The following ARHGAP15 variants were observed in gnomAD, a reference collection of about 807,000 sequenced individuals.
The protein encoded by ARHGAP15 is Rho GTPase activating protein 15.
A neutral mutation model predicts 63.7 loss-of-function variants in ARHGAP15; 51 were observed. The observed-to-expected ratio is 0.80, with a 90% confidence interval of 0.64 to 1.01. The LOEUF (loss-of-function observed/expected upper bound fraction) is 1.01, where lower values mean the gene tolerates loss of function less well. Ranked by LOEUF, ARHGAP15 falls within the 50% of genes least tolerant of loss-of-function variation. The pLI is 0.00. For synonymous variants in ARHGAP15, 191 were observed against 193.8 expected, an observed-to-expected ratio of 0.99 and a Z score of 0.12; for missense variants, 560 against 564.6, an observed-to-expected ratio of 0.99 and a Z score of 0.08.
At position 143,242,497 on chromosome 2, in the gene ARHGAP15, AAATAC is replaced by A. The variant is rs1693902697; in HGVS notation, c.385-8009_385-8005del. On this transcript the variant is annotated intron_variant, in intron 5 of 13. Coordinates refer to ENST00000295095, the MANE Select transcript of ARHGAP15 (RefSeq NM_018460.4). ...TCCAGCAAGATTTTGATTCAGAAAC[AAATAC>A]AATAGGTGCTCATTTCTTGAAAAGT... Among the ~76,000 whole-genome samples, 3 of 152,240 alleles carry A rather than the reference AAATAC, an allele frequency of 2.0e-5. No homozygotes were observed. The South Asian group carries it at 6.2e-4, about 32-fold the overall frequency.
rs142007178 is a variant in ARHGAP15 at position 143,461,093 on chromosome 2, C to A, written c.703+24051C>A. ...TCGCCTCGGGTCAGGAGTTTGAGAC[C>A]AGCCTGGCCAACATGGTGAAACCCT... is the stretch of plus-strand genomic sequence containing the variant. On this transcript the variant is annotated intron_variant, in intron 8 of 13. Coordinates refer to ENST00000295095, the MANE Select transcript of ARHGAP15 (RefSeq NM_018460.4). Among the ~76,000 whole-genome samples the A allele has an allele frequency of 6.8e-4, 104 of 151,834 alleles. 1 individual carries two copies. The East Asian group carries it at 0.016, about 23-fold the overall frequency.
At chr2:143,554,363 A>T (rs145472935) in intron 10 of ARHGAP15, among the ~76,000 whole-genome samples, 2 of 152,260 alleles carry the variant, frequency 1.3e-5, no homozygotes, top group South Asian at 4.1e-4. Context: ...TTCTGATGCC[A>T]TTTGTCTGCT....
chr2:143,567,517 C>T (rs543588243), intron 11 of ARHGAP15, among the ~76,000 whole-genome samples: 4 of 152,264 alleles, frequency 2.6e-5, no homozygotes, highest in Admixed American at 1.3e-4. Context: ...CTTCCACCTC[C>T]ACCTGAAGTA....
intron 10 of ARHGAP15, among the ~76,000 whole-genome samples, chr2:143,532,263 T>A (rs1694552998): frequency 6.6e-6 from 1 of 152,222 alleles, no homozygotes; most frequent in African/African-American, 2.4e-5. Flanking sequence ...AATGGGAATT[T>A]CCTGCCAGCA....
chr2:143,497,656 T>C (rs1485410105), intron 9 of ARHGAP15, among the ~76,000 whole-genome samples: 1 of 152,132 alleles, frequency 6.6e-6, no homozygotes. Flanking sequence ...GCCTCTGTCG[T>C]TGGTATAATT....
chr2:143,661,809 G>A (rs184641655), intron 12 of ARHGAP15, among the ~76,000 whole-genome samples: 12 of 152,280 alleles, frequency 7.9e-5, no homozygotes, highest in Admixed American at 3.9e-4. Flanking sequence ...AAGGGGTGAC[G>A]GACGCACCTG....
chr2:143,403,172 AT>A (rs1688060421), intron 6 of ARHGAP15, among the ~76,000 whole-genome samples: 1 of 151,834 alleles, frequency 6.6e-6, no homozygotes, highest in South Asian at 2.1e-4. Flanking sequence ...TTCAAACCAT[AT>A]TTTTCCACCA....
At chr2:143,701,306 C>T (rs1684079649) in intron 12 of ARHGAP15, among the ~76,000 whole-genome samples, 1 of 152,168 alleles carries the variant, frequency 6.6e-6, no homozygotes, top group Non-Finnish European at 1.5e-5. Context: ...TCTTATCCTA[C>T]TGTCATAAAG....
chr2:143,459,640 A>AT (rs1204979516), intron 8 of ARHGAP15, among the ~76,000 whole-genome samples: 4 of 152,218 alleles, frequency 2.6e-5, no homozygotes, highest in Non-Finnish European at 5.9e-5. Context: ...TGTACTCTTA[A>AT]TTTTTTAAAA....
intron 6 of ARHGAP15, among the ~76,000 whole-genome samples, chr2:143,352,055 TA>T (rs1685596964): frequency 6.6e-6 from 1 of 152,336 alleles, no homozygotes; most frequent in African/African-American, 2.4e-5. Flanking sequence ...TCACCCTGAA[TA>T]ACCTTTATTG....
Position 143,729,376 on chromosome 2 carries a change from CAATTT to C in ARHGAP15, c.1244+25856_1244+25860del, listed in dbSNP as rs1374552783. On this transcript the variant is annotated intron_variant, in intron 13 of 13. Coordinates refer to ENST00000295095, the MANE Select transcript of ARHGAP15 (RefSeq NM_018460.4). ...TCCTGGGTCAAATCTGCTTGACATT[CAATTT>C]AATACAGTCTTTCATCAAGTCAAAA... Among the ~76,000 whole-genome samples, 4 of 152,160 alleles carry C rather than the reference CAATTT, an allele frequency of 2.6e-5. No individual in the cohort carries two copies. In the East Asian group the frequency reaches 7.7e-4, roughly 29 times the overall value.
At chr2:143,328,569 C>T (rs1684360073) in intron 6 of ARHGAP15, among the ~76,000 whole-genome samples, 1 of 152,090 alleles carries the variant, frequency 6.6e-6, no homozygotes, top group Non-Finnish European at 1.5e-5. Context: ...GAACATCACA[C>T]ACCAGAGCCT....
intron 6 of ARHGAP15, among the ~76,000 whole-genome samples, chr2:143,261,573 T>C (rs948774713): frequency 6.6e-6 from 1 of 151,884 alleles, no homozygotes; most frequent in Non-Finnish European, 1.5e-5. Flanking sequence ...GGTCTCGAAC[T>C]CCTGATCTCA....
chr2:143,313,127 TAA>T, intron 6 of ARHGAP15, among the ~76,000 whole-genome samples: 1 of 151,796 alleles, frequency 6.6e-6, no homozygotes, highest in Non-Finnish European at 1.5e-5. Context: ...TCAGGAGAGT[TAA>T]AAAAGAAAAA....
chr2:143,359,581 A>G (rs1685952603), intron 6 of ARHGAP15, among the ~76,000 whole-genome samples: 1 of 152,222 alleles, frequency 6.6e-6, no homozygotes. Flanking sequence ...ATGCAAAGAA[A>G]TAAAGAAAAA....
At position 143,574,027 on chromosome 2, in the gene ARHGAP15, TA is replaced by T. The variant is rs1245426022; in HGVS notation, c.1003+17544del. Among the ~76,000 whole-genome samples, 7 of 152,178 alleles carry T rather than the reference TA, an allele frequency of 4.6e-5. 1 individual carries two copies. Among genetic ancestry groups the T allele is most frequent in the Admixed American group, 3.9e-4 (6 of 15,264 alleles). ...AAATGTGCATTATCAGTGGAGGTTCTAACCAAGGATGGTTTCTAGACTGTAG... is the reference window on the plus strand; with the variant it reads ...AAATGTGCATTATCAGTGGAGGTTCTACCAAGGATGGTTTCTAGACTGTAG... On this transcript the variant is annotated intron_variant, in intron 11 of 13. Transcript: ENST00000295095.
At chr2:143,631,459 A>G (rs548611216) in intron 12 of ARHGAP15, among the ~76,000 whole-genome samples, 3 of 152,162 alleles carry the variant, frequency 2.0e-5, no homozygotes, top group Admixed American at 2.0e-4. Flanking sequence ...TGAGAGTTCC[A>G]GTTTCCCCAC....
At chr2:143,686,551 TTAG>T (rs1448526256) in intron 12 of ARHGAP15, among the ~76,000 whole-genome samples, 2 of 152,138 alleles carry the variant, frequency 1.3e-5, no homozygotes, top group Non-Finnish European at 2.9e-5. Context: ...TTGTTGGAGA[TTAG>T]TATTGTCTTT....
chr2:143,674,492 G>A (rs1329448064), intron 12 of ARHGAP15, among the ~76,000 whole-genome samples: 1 of 152,114 alleles, frequency 6.6e-6, no homozygotes, highest in Non-Finnish European at 1.5e-5. Context: ...CTGGAAAGAT[G>A]TATGCAGGAA....
Sources: gnomAD v4.1 joint callset for allele counts (sites outside exome capture counted in the v4.1 genomes callset) on GRCh38, gnomAD v4.1.1 for gene constraint, MANE v1.5 for transcripts, NCBI Gene and HGNC (gene_info 2026-07-23, HGNC 2026-07-21) for gene names.